Variants in KCNK5 observed in about 807,000 individuals in gnomAD.
KCNK5 encodes potassium two pore domain channel subfamily K member 5.
A neutral mutation model predicts 32.9 loss-of-function variants in KCNK5; 18 were observed. The observed-to-expected ratio is 0.55, with a 90% confidence interval of 0.38 to 0.81. The LOEUF is 0.81. Among genes scored for constraint, KCNK5 ranks in the 30% least tolerant of loss-of-function variants. The pLI is 0.00. For synonymous variants in KCNK5, 276 were observed against 275.3 expected (o/e 1.00, Z -0.03); for missense variants, 507 against 651.0 (o/e 0.78, Z 2.41).
intron 1 of KCNK5, among the ~76,000 whole-genome samples, chr6:39,216,015 G>C (rs1158369078): frequency 6.6e-6 from 1 of 152,238 alleles, no homozygotes; most frequent in Non-Finnish European, 1.5e-5. Context: ...GGGCGTGGTG[G>C]CTCACGCCTG....
At chr6:39,201,883 G>A (rs1045526310) in intron 1 of KCNK5, among the ~76,000 whole-genome samples, 2 of 152,192 alleles carry the variant, frequency 1.3e-5, no homozygotes, top group Non-Finnish European at 2.9e-5. Flanking sequence ...CCATCTTACA[G>A]AAGCATTTGC....
chr6:39,216,563 GCTCTGGA>G (rs1427367622), intron 1 of KCNK5, among the ~76,000 whole-genome samples: 1 of 152,134 alleles, frequency 6.6e-6, no homozygotes, highest in Non-Finnish European at 1.5e-5. Flanking sequence ...CAGAGCTCTG[GCTCTGGA>G]CTCAGAGGGC....
chr6:39,190,868 G>C lies in KCNK5; in HGVS notation c.*22C>G. Reference sequence around the variant, plus strand: ...GAGGGGGGAAGAGGCCATCAAAGGTGGGGTGGGGAGCCGGCCCTGCCTCAT... The same window carrying C: ...GAGGGGGGAAGAGGCCATCAAAGGTCGGGTGGGGAGCCGGCCCTGCCTCAT... On this transcript the variant is annotated 3_prime_UTR_variant, in exon 5 of 5. Coordinates refer to ENST00000359534, the MANE Select transcript of KCNK5 (RefSeq NM_003740.4). 6.9e-7 allele frequency: 1 copy of C among 1,456,552 alleles called. No individual in the cohort carries two copies. The highest frequency in any genetic ancestry group is 9.1e-7 in the Non-Finnish European group (1 of 1,102,678). The allele number at this position is 1,456,552 out of a possible 1,614,324, so 90.2% of individuals were successfully genotyped here.
intron 1 of KCNK5, among the ~76,000 whole-genome samples, chr6:39,211,258 C>T (rs942162605): frequency 1.3e-5 from 2 of 152,132 alleles, no homozygotes; most frequent in African/African-American, 4.8e-5. Flanking sequence ...CTATGAGCAA[C>T]AAGTCAGAGA....
Position 39,211,955 on chromosome 6 carries a change from ACT to A in KCNK5, c.187-15970_187-15969del, listed in dbSNP as rs568273222. Among the ~76,000 whole-genome samples the A allele has an allele frequency of 3.9e-3, 583 of 150,408 alleles. 7 individuals are homozygous for A. Among genetic ancestry groups the A allele is most frequent in the African/African-American group, 0.013 (540 of 40,922 alleles). On this transcript the variant is annotated intron_variant, in intron 1 of 4. Coordinates refer to ENST00000359534, the MANE Select transcript of KCNK5 (RefSeq NM_003740.4). ...TTCCAGCCTGGACAACAAGAGCAAAACTCTGTCTCAAAAAGAAAAAAAGAAAA... is the reference window on the plus strand; with the variant it reads ...TTCCAGCCTGGACAACAAGAGCAAAACTGTCTCAAAAAGAAAAAAAGAAAA...
At chr6:39,223,204 C>T (rs1007582160) in intron 1 of KCNK5, among the ~76,000 whole-genome samples, 5 of 152,170 alleles carry the variant, frequency 3.3e-5, no homozygotes, top group Admixed American at 6.5e-5. Context: ...TGAGCATTTA[C>T]GATGTGCCAT....
Position 39,194,642 on chromosome 6 carries a change from T to G in KCNK5, c.417A>C (p.Gly139=). The G allele has an allele frequency of 6.2e-7, 1 of 1,613,938 alleles. No homozygotes were observed. The highest frequency in any genetic ancestry group is 1.3e-5 in the African/African-American group (1 of 74,958). Residue 139 remains glycine (G), a synonymous_variant, in exon 3 of 5, where the codon GGA becomes GGC. Transcript: ENST00000359534. The surrounding 1 kb of genome is among the most constrained non-coding windows in gnomAD (Gnocchi z 4.7). ...WISALGKFFG[G]RAKRLGQFLT... ...GGAACTGCCCTAGTCTCTTGGCACG[T>G]CCCCCGAAGAACTTGCCCAGGGCAC... is the stretch of plus-strand genomic sequence containing the variant.
At position 39,191,592 on chromosome 6, in the gene KCNK5, G is replaced by A; in HGVS notation, c.798C>T (p.Ser266=). Residue 266 remains serine, a synonymous_variant, in exon 5 of 5, where the codon TCC becomes TCT. Transcript: ENST00000359534. This position sits in a 1 kb window ranked among gnomAD's most constrained non-coding sequence, Gnocchi z 5.8. ...TCCGGGAGTGTGGGGAGCTCTCAAA[G>A]GACTCCTTCCGTCGCCGCCGCCGCT... ...IKKRRRRRKE[S]FESSPHSRKA... is the part of the protein sequence containing the mutation. The A allele has an allele frequency of 6.2e-7, 1 of 1,614,046 alleles. No homozygotes were observed. The highest frequency in any genetic ancestry group is 1.1e-5 in the South Asian group (1 of 91,084).
intron 1 of KCNK5, among the ~76,000 whole-genome samples, chr6:39,218,873 T>C (rs763480665): frequency 1.3e-5 from 2 of 152,184 alleles, no homozygotes; most frequent in Non-Finnish European, 2.9e-5. Context: ...ATTAAAGAAG[T>C]CTTCACAAGG....
intron 1 of KCNK5, among the ~76,000 whole-genome samples, chr6:39,217,118 C>CAAAAAAAAAAAAAAAAAAAAAAAA (rs57204833): frequency 4.0e-5 from 3 of 74,444 alleles, no homozygotes; most frequent in African/African-American, 9.1e-5. Context: ...AAAACTCCAT[C>CAAAAAAAAAAAAAAAAAAAAAAAA]AAAAAAAAAA....
intron 1 of KCNK5, among the ~76,000 whole-genome samples, chr6:39,222,116 C>T (rs990006387): frequency 6.6e-6 from 1 of 152,198 alleles, no homozygotes; most frequent in African/African-American, 2.4e-5. Context: ...AGAGCTACAA[C>T]TGGAGCACAC....
intron 1 of KCNK5, among the ~76,000 whole-genome samples, chr6:39,223,509 AACCT>A (rs1392242218): frequency 6.6e-6 from 1 of 152,218 alleles, no homozygotes; most frequent in East Asian, 1.9e-4. Flanking sequence ...GAAGGAGGCA[AACCT>A]ATTTCATGTG....
intron 1 of KCNK5, among the ~76,000 whole-genome samples, chr6:39,227,434 T>C (rs1336574770): frequency 6.6e-6 from 1 of 152,126 alleles, no homozygotes; most frequent in Non-Finnish European, 1.5e-5. Context: ...AGACTCTTCA[T>C]GCCAGGACTC....
intron 1 of KCNK5, among the ~76,000 whole-genome samples, chr6:39,209,362 G>A (rs2113789712): frequency 6.6e-6 from 1 of 152,314 alleles, no homozygotes; most frequent in African/African-American, 2.4e-5. Flanking sequence ...AGGCACAGCT[G>A]TCCTGCCTCT....
rs535410034 is a variant in KCNK5, at chr6:39,194,485, C to T, written c.465+109G>A. The T allele has an allele frequency of 3.0e-5, 44 of 1,444,994 alleles. No individual in the cohort carries two copies. Among genetic ancestry groups the T allele is most frequent in the Non-Finnish European group, 4.0e-5 (42 of 1,060,114 alleles). The allele number at this position is 1,444,994 out of a possible 1,614,324, so 89.5% of individuals were successfully genotyped here. A position where few individuals can be genotyped will look rare whatever the true frequency, so the allele number is the denominator to read the frequency against. On this transcript the variant is annotated intron_variant, in intron 3 of 4. Transcript: ENST00000359534. The surrounding 1 kb of genome is among the most constrained non-coding windows in gnomAD (Gnocchi z 4.7). The stretch of plus-strand genomic sequence containing the variant: ...GGGCAAGGAGCTCTGAAACTATCCT[C>T]TTGCCATCTGTCCTTACACCCTTGG...
chr6:39,204,123 C>T (rs1420141426), intron 1 of KCNK5, among the ~76,000 whole-genome samples: 52 of 152,254 alleles, frequency 3.4e-4, no homozygotes, highest in Admixed American at 3.4e-3. Flanking sequence ...CCTCGAAGAC[C>T]AGAGCTGGGC....
chr6:39,194,152 C>T lies in KCNK5; in HGVS notation c.634+17G>A. On this transcript the variant is annotated intron_variant, in intron 4 of 4. Transcript: ENST00000359534. The surrounding 1 kb of genome is among the most constrained non-coding windows in gnomAD (Gnocchi z 4.7). ...AAGAAGCAGAAAAAGAGGTGGGAGGCAGAGGCAGGGACTCACCGGCCACAA... is the reference window on the plus strand; with the variant it reads ...AAGAAGCAGAAAAAGAGGTGGGAGGTAGAGGCAGGGACTCACCGGCCACAA... The T allele has an allele frequency of 1.2e-6, 2 of 1,613,864 alleles. No individual in the cohort carries two copies. The highest frequency in any genetic ancestry group is 1.7e-4 in the Middle Eastern group (1 of 6,060).
At chr6:39,203,133 G>T (rs1771161217) in intron 1 of KCNK5, among the ~76,000 whole-genome samples, 2 of 152,190 alleles carry the variant, frequency 1.3e-5, no homozygotes, top group African/African-American at 4.8e-5. Context: ...AAGCAGTAGA[G>T]AAGGACTAGG....
In KCNK5 at chr6:39,194,072, G is replaced by C; in HGVS notation, c.634+97C>G. The C allele has an allele frequency of 7.5e-7, 1 of 1,342,132 alleles. No homozygotes were observed. The highest frequency in any genetic ancestry group is 1.2e-5 in the South Asian group (1 of 82,456). 83.1% of individuals were successfully genotyped at this position (1,342,132 alleles called of 1,614,324 possible). A position where few individuals can be genotyped will look rare whatever the true frequency, so the allele number is the denominator to read the frequency against. On this transcript the variant is annotated intron_variant, in intron 4 of 4. Transcript: ENST00000359534. The surrounding 1 kb of genome is among the most constrained non-coding windows in gnomAD (Gnocchi z 4.7). The stretch of plus-strand genomic sequence containing the variant: ...TCCCACTGGGTAAGAGAAGTGCCCA[G>C]AACATGGAACCCTACCTAGGGCACC...
Sources: gnomAD v4.1 joint callset for allele counts (sites outside exome capture counted in the v4.1 genomes callset) on GRCh38, gnomAD v4.1.1 for gene constraint, Gnocchi (gnomAD v3.1) non-coding constraint, MANE v1.5 for transcripts, NCBI Gene and HGNC (gene_info 2026-07-23, HGNC 2026-07-21) for gene names.